TRIM24: variants seen among roughly 807,000 people sequenced by gnomAD.
TRIM24 encodes transcription intermediary factor 1-alpha.
Under a neutral mutation model 123.9 loss-of-function variants are expected in TRIM24, and 29 were observed. The observed-to-expected ratio is 0.23, with a 90% CI of 0.17 to 0.32. The LOEUF (loss-of-function observed/expected upper bound fraction) is 0.32, where lower values mean the gene tolerates loss of function less well. Among genes scored for constraint, TRIM24 ranks in the 10% least tolerant of loss-of-function variants. The probability of loss-of-function intolerance (pLI) is 1.00; values close to 1 mark genes in which losing one functional copy is unlikely to be tolerated. For missense variants in TRIM24, 932 were observed against 1,295.3 expected (o/e 0.72, Z 4.31); for synonymous variants, 456 against 461.1 (o/e 0.99, Z 0.14).
intron 1 of TRIM24, among the ~76,000 whole-genome samples, chr7:138,472,936 A>G (rs1202503767): frequency 6.6e-6 from 1 of 152,196 alleles, no homozygotes; most frequent in Non-Finnish European, 1.5e-5. Context: ...CCTGGACTCA[A>G]GCAGTTCTCC....
chr7:138,532,696 G>A (rs1368972390), intron 6 of TRIM24, among the ~76,000 whole-genome samples: 1 of 152,192 alleles, frequency 6.6e-6, no homozygotes, highest in Non-Finnish European at 1.5e-5. Flanking sequence ...GGCAATGCGG[G>A]CTCTTTTTTG....
rs571515387 is a variant in TRIM24, at chr7:138,530,613, TATGCCACC to T, written c.996+1389_996+1396del. 4.7e-4 allele frequency among the ~76,000 whole-genome samples: 71 copies of T among 151,948 alleles called. No individual in the cohort carries two copies. The South Asian group carries it at 0.015, about 31-fold the overall frequency. On this transcript the variant is annotated intron_variant, in intron 6 of 18. Transcript: ENST00000343526. ...TCTCGAGTAATTAGGACTACAAGTG[TATGCCACC>T]ATGCCTGGCTAATATTTTTTTTTTT...
intron 8 of TRIM24, among the ~76,000 whole-genome samples, chr7:138,553,492 G>A (rs1258456965): frequency 2.6e-5 from 4 of 152,048 alleles, no homozygotes; most frequent in Non-Finnish European, 5.9e-5. Context: ...GCATATGATT[G>A]GTAAATCATA....
chr7:138,471,747 G>A (rs1666671922), intron 1 of TRIM24, among the ~76,000 whole-genome samples: 1 of 152,014 alleles, frequency 6.6e-6, no homozygotes, highest in Non-Finnish European at 1.5e-5. Flanking sequence ...CGCCATGTTG[G>A]CCAGGCTGGT....
At position 138,567,614 on chromosome 7, in the gene TRIM24, C is replaced by G; in HGVS notation, c.1664C>G (p.Pro555Arg). 6.2e-7 allele frequency: 1 copy of G among 1,613,238 alleles called. No homozygotes were observed. The highest frequency in any genetic ancestry group is 1.1e-5 in the South Asian group (1 of 90,936). ...CCACGACAAGCAATAAAGCCAAACCCCCTACAGATGGCTTTCTTGGCTCAA... is the reference window on the plus strand; with the variant it reads ...CCACGACAAGCAATAAAGCCAAACCGCCTACAGATGGCTTTCTTGGCTCAA... ...NIPRQAIKPN[P>R]LQMAFLAQQA... The change falls in exon 10 of 19, where the codon CCC becomes CGC. Residue 555 changes from proline (P) to arginine (R), a missense_variant. Pro to Arg is a moderately radical substitution (Grantham distance 103). Coordinates refer to ENST00000343526, the MANE Select transcript of TRIM24 (RefSeq NM_015905.3).
chr7:138,586,500 T>G lies in TRIM24; in HGVS notation c.*1549T>G, dbSNP rs1032746681. 2 of 152,686 alleles carry G rather than the reference T, an allele frequency of 1.3e-5. No individual in the cohort carries two copies. The highest frequency in any genetic ancestry group is 2.4e-5 in the African/African-American group (1 of 41,458). 9.5% of individuals were successfully genotyped at this position (152,686 alleles called of 1,614,324 possible). A position where few individuals can be genotyped will look rare whatever the true frequency, so the allele number is the denominator to read the frequency against. The stretch of plus-strand genomic sequence containing the variant: ...TAAAATACAGGGAGAAAATAACTTG[T>G]TAGCAATAGATCCCCATTGTTTATA... On this transcript the variant is annotated 3_prime_UTR_variant, in exon 19 of 19. Coordinates refer to ENST00000343526, the MANE Select transcript of TRIM24 (RefSeq NM_015905.3).
chr7:138,501,596 G>A (rs1307529161), intron 1 of TRIM24, among the ~76,000 whole-genome samples: 1 of 152,012 alleles, frequency 6.6e-6, no homozygotes, highest in Non-Finnish European at 1.5e-5. Flanking sequence ...CTAAAAAAAT[G>A]TTAGGCAGTG....
chr7:138,567,909 T>C (rs1391805358), intron 10 of TRIM24, among the ~76,000 whole-genome samples: 2 of 152,154 alleles, frequency 1.3e-5, no homozygotes, highest in African/African-American at 4.8e-5. Flanking sequence ...TGGATAACTT[T>C]TAGGTGAGTA....
Position 138,554,564 on chromosome 7 carries a change from C to A in TRIM24, c.1262-134C>A. ...CAAAAGCTGTTTGGGGGTTCTCTTT[C>A]AGAGTGTTAAAGGGCTCATGAGATC... On this transcript the variant is annotated intron_variant, in intron 8 of 18. Coordinates refer to ENST00000343526, the MANE Select transcript of TRIM24 (RefSeq NM_015905.3). The surrounding 1 kb of genome is among the most constrained non-coding windows in gnomAD (Gnocchi z 4.5). The A allele has an allele frequency of 2.5e-6, 2 of 813,748 alleles. No homozygotes were observed. Among genetic ancestry groups the A allele is most frequent in the Non-Finnish European group, 1.9e-6 (1 of 528,438 alleles). 50.4% of individuals were successfully genotyped at this position (813,748 alleles called of 1,614,324 possible).
In TRIM24 at chr7:138,587,475, C is replaced by A. The variant is rs1315392696; in HGVS notation, c.*2524C>A. ...CCCAGGTGGATCTCAGCTAAGTCATCCTTAAATTCTGTTCAAATAGAAATA... is the reference window on the plus strand; with the variant it reads ...CCCAGGTGGATCTCAGCTAAGTCATACTTAAATTCTGTTCAAATAGAAATA... On this transcript the variant is annotated 3_prime_UTR_variant, in exon 19 of 19. Coordinates refer to ENST00000343526, the MANE Select transcript of TRIM24 (RefSeq NM_015905.3). The A allele has an allele frequency of 6.6e-6, 1 of 152,176 alleles. No homozygotes were observed. The highest frequency in any genetic ancestry group is 1.5e-5 in the Non-Finnish European group (1 of 68,018). The allele number at this position is 152,176 out of a possible 1,614,324, so 9.4% of individuals were successfully genotyped here.
chr7:138,542,276 T>C (rs1443016627), intron 7 of TRIM24, among the ~76,000 whole-genome samples: 1 of 152,216 alleles, frequency 6.6e-6, no homozygotes, highest in East Asian at 1.9e-4. Context: ...TAACTTTTGA[T>C]TAGTGAGAGT....
chr7:138,567,181 A>C (rs1176845898), intron 9 of TRIM24, among the ~76,000 whole-genome samples: 3 of 152,174 alleles, frequency 2.0e-5, no homozygotes, highest in Non-Finnish European at 4.4e-5. Context: ...GATACCAAAG[A>C]CACATTTTAT....
intron 1 of TRIM24, among the ~76,000 whole-genome samples, chr7:138,486,185 T>G (rs1245726702): frequency 6.6e-6 from 1 of 152,224 alleles, no homozygotes; most frequent in Non-Finnish European, 1.5e-5. Context: ...TTGATGGGGT[T>G]GTTTGATTTT....
rs896251768 is a variant in TRIM24, at chr7:138,567,338, C to T, written c.1531-143C>T. 1.8e-5 allele frequency: 13 copies of T among 726,588 alleles called. No homozygotes were observed. In the African/African-American group the frequency reaches 2.2e-4, roughly 12 times the overall value. 45.0% of individuals were successfully genotyped at this position (726,588 alleles called of 1,614,324 possible). A position where few individuals can be genotyped will look rare whatever the true frequency, so the allele number is the denominator to read the frequency against. On this transcript the variant is annotated intron_variant, in intron 9 of 18. Coordinates refer to ENST00000343526, the MANE Select transcript of TRIM24 (RefSeq NM_015905.3). Reference sequence around the variant, plus strand: ...TCTGAAAGTCTGCCCATCCCCCACCCCTCATTCCCTTATGTAAATCTTAAT... The same window carrying T: ...TCTGAAAGTCTGCCCATCCCCCACCTCTCATTCCCTTATGTAAATCTTAAT...
rs145011901 is a variant in TRIM24, at chr7:138,578,563, T to TGTGTGC, written c.2257-640_2257-639insTGTGCG. On this transcript the variant is annotated intron_variant, in intron 14 of 18. Transcript: ENST00000343526. ...GTGTGTGTGTGTGTGTGTGTGTGTGTGCGCGCACGCACGAATGGAAGCAGG... is the reference window on the plus strand; with the variant it reads ...GTGTGTGTGTGTGTGTGTGTGTGTGTGTGTGCGCGCGCACGCACGAATGGAAGCAGG... Among the ~76,000 whole-genome samples the TGTGTGC allele has an allele frequency of 3.7e-3, 539 of 145,062 alleles. 4 individuals are homozygous for TGTGTGC. Among genetic ancestry groups the TGTGTGC allele is most frequent in the African/African-American group, 0.013 (504 of 38,246 alleles).
chr7:138,467,130 G>A (rs1795160226), intron 1 of TRIM24, among the ~76,000 whole-genome samples: 1 of 152,118 alleles, frequency 6.6e-6, no homozygotes, highest in Non-Finnish European at 1.5e-5. Context: ...AATACATAAT[G>A]TTTTTTGATT....
intron 14 of TRIM24, among the ~76,000 whole-genome samples, chr7:138,578,532 T>TTG (rs142839380): frequency 0.025 from 3,715 of 146,848 alleles, 92 homozygotes; most frequent in East Asian, 0.067. Context: ...GGTGGTGGTT[T>TTG]TGTGTGTGTG....
intron 2 of TRIM24, among the ~76,000 whole-genome samples, chr7:138,505,506 G>GTTGTT (rs759068702): frequency 4.0e-5 from 2 of 50,126 alleles, no homozygotes; most frequent in African/African-American, 8.4e-5. Context: ...TTTTGGGGGT[G>GTTGTT]GTGGTTGTTG....
At position 138,586,454 on chromosome 7, in the gene TRIM24, G is replaced by GT. The variant is rs985842250; in HGVS notation, c.*1507dup. ...AAATATCCTGTGGCTAATTCATTGG[G>GT]TTTTCAGGTACTGCTAAAGATAAAA... is the stretch of plus-strand genomic sequence containing the variant. On this transcript the variant is annotated 3_prime_UTR_variant, in exon 19 of 19. Transcript: ENST00000343526. 90 of 152,980 alleles carry GT rather than the reference G, an allele frequency of 5.9e-4. No individual in the cohort carries two copies. The highest frequency in any genetic ancestry group is 2.1e-3 in the African/African-American group (87 of 41,526). 9.5% of individuals were successfully genotyped at this position (152,980 alleles called of 1,614,324 possible). A position where few individuals can be genotyped will look rare whatever the true frequency, so the allele number is the denominator to read the frequency against.
Sources: allele counts gnomAD v4.1 joint callset (sites outside exome capture counted in the v4.1 genomes callset), GRCh38; gene constraint gnomAD v4.1.1; non-coding constraint Gnocchi (gnomAD v3.1); transcripts MANE v1.5; gene names NCBI Gene and HGNC (gene_info 2026-07-23, HGNC 2026-07-21).